The following CSMD1 variants were observed in gnomAD, a reference collection of about 807,000 sequenced individuals.
The protein encoded by CSMD1 is CUB and Sushi multiple domains 1.
CSMD1 carries 213 observed loss-of-function variants against 417.5 expected under a neutral mutation model. The ratio of observed to expected loss-of-function variants is 0.51; its 90% CI spans 0.46 to 0.57. The LOEUF is 0.57. Ranked by LOEUF, CSMD1 falls within the 20% of genes least tolerant of loss-of-function variation. The pLI is 0.00. For missense variants in CSMD1, 6,923 were observed against 4,529.7 expected (o/e 1.53, Z -15.17); for synonymous variants, 2,862 against 1,736.8 (o/e 1.65, Z -16.11).
intron 1 of CSMD1, among the ~76,000 whole-genome samples, chr8:4,881,878 T>G (rs1298211801): frequency 6.6e-6 from 1 of 152,056 alleles, no homozygotes; most frequent in Non-Finnish European, 1.5e-5. Context: ...TTCAACACTT[T>G]TATGAGGCAG....
chr8:4,476,045 T>G (rs1041672523), intron 2 of CSMD1, among the ~76,000 whole-genome samples: 4 of 152,034 alleles, frequency 2.6e-5, no homozygotes, highest in African/African-American at 9.7e-5. Context: ...ATTTAGAAAA[T>G]TTCTGGTTAA....
At chr8:4,181,954 C>G (rs932759184) in intron 3 of CSMD1, among the ~76,000 whole-genome samples, 7 of 23,968 alleles carry the variant, frequency 2.9e-4, no homozygotes, top group Non-Finnish European at 5.6e-4. Context: ...TTGTCTGTGT[C>G]TGCGTGTGTG....
At chr8:4,830,571 T>A (rs1800091744) in intron 1 of CSMD1, among the ~76,000 whole-genome samples, 1 of 152,168 alleles carries the variant, frequency 6.6e-6, no homozygotes, top group Non-Finnish European at 1.5e-5. Context: ...CATAAGCCAT[T>A]ACAAATTAGA....
At chr8:3,320,122 C>T (rs1806057292) in intron 23 of CSMD1, among the ~76,000 whole-genome samples, 1 of 152,194 alleles carries the variant, frequency 6.6e-6, no homozygotes, top group Non-Finnish European at 1.5e-5. Context: ...CACAATTCAT[C>T]AGGCAGGTTT....
intron 6 of CSMD1, among the ~76,000 whole-genome samples, chr8:3,742,836 C>A (rs1196688192): frequency 6.6e-6 from 1 of 152,234 alleles, no homozygotes; most frequent in Non-Finnish European, 1.5e-5. Flanking sequence ...GACCCAACTT[C>A]TTCACTGTGA....
chr8:3,378,926 G>A (rs62503513), intron 18 of CSMD1, among the ~76,000 whole-genome samples: 15,781 of 152,200 alleles, frequency 0.1, 892 homozygotes, highest in Middle Eastern at 0.15. Flanking sequence ...GAAAGAAAAC[G>A]CATTCAAATA....
At chr8:4,542,537 T>C (rs1481806663) in intron 2 of CSMD1, among the ~76,000 whole-genome samples, 1 of 152,172 alleles carries the variant, frequency 6.6e-6, no homozygotes, top group East Asian at 1.9e-4. Context: ...CTGTTGCAAA[T>C]TAGAAGATAA....
intron 26 of CSMD1, among the ~76,000 whole-genome samples, chr8:3,253,978 T>G (rs1585809533): frequency 6.6e-6 from 1 of 152,344 alleles, no homozygotes; most frequent in East Asian, 1.9e-4. Context: ...CTTGATGGTC[T>G]TTACAATTTT....
chr8:2,995,880 G>T (rs909148454), intron 54 of CSMD1, among the ~76,000 whole-genome samples: 1 of 152,156 alleles, frequency 6.6e-6, no homozygotes, highest in Non-Finnish European at 1.5e-5. Context: ...CCAGGTTAAT[G>T]GATACCAGGA....
At chr8:4,339,972 G>T (rs758335699) in intron 3 of CSMD1, among the ~76,000 whole-genome samples, 3 of 152,016 alleles carry the variant, frequency 2.0e-5, no homozygotes, top group Non-Finnish European at 1.5e-5. Context: ...TTCAGTGAGC[G>T]GTGATAGCAA....
intron 1 of CSMD1, among the ~76,000 whole-genome samples, chr8:4,852,229 C>A (rs1801522220): frequency 6.6e-6 from 1 of 152,194 alleles, no homozygotes; most frequent in Non-Finnish European, 1.5e-5. Flanking sequence ...GCCTCCAAAT[C>A]TCAGGTTGAA....
chr8:4,589,791 C>G (rs564028478), intron 2 of CSMD1, among the ~76,000 whole-genome samples: 1 of 152,126 alleles, frequency 6.6e-6, no homozygotes, highest in African/African-American at 2.4e-5. Flanking sequence ...AAATATATAT[C>G]TTTGCCATGT....
chr8:2,978,827 A>G, intron 54 of CSMD1, 27 bp from the exon 55 acceptor site: 1 of 1,550,562 alleles, frequency 6.4e-7, no homozygotes, highest in African/African-American at 1.4e-5. Context: ...TTCACACACC[A>G]TTTAGAAACA....
chr8:3,413,609 T>C (rs1433988704), intron 12 of CSMD1, among the ~76,000 whole-genome samples: 2 of 152,208 alleles, frequency 1.3e-5, no homozygotes, highest in African/African-American at 4.8e-5. Flanking sequence ...CAGCGATGTT[T>C]CATTTGGGGG....
intron 2 of CSMD1, among the ~76,000 whole-genome samples, chr8:4,610,674 A>T (rs1459972037): frequency 6.6e-6 from 1 of 152,202 alleles, no homozygotes; most frequent in Non-Finnish European, 1.5e-5. Flanking sequence ...CCCATGAATT[A>T]GTTTGTTATT....
intron 1 of CSMD1, among the ~76,000 whole-genome samples, chr8:4,795,524 A>T (rs1797931416): frequency 6.6e-6 from 1 of 151,448 alleles, no homozygotes; most frequent in African/African-American, 2.4e-5. Context: ...GGCCTTCCAA[A>T]GTTCTGGTAT....
At chr8:4,887,505 A>G (rs886139194) in intron 1 of CSMD1, among the ~76,000 whole-genome samples, 2 of 152,014 alleles carry the variant, frequency 1.3e-5, no homozygotes, top group African/African-American at 2.4e-5. Context: ...ATGCTATTCA[A>G]TTCTTCTAGT....
intron 7 of CSMD1, among the ~76,000 whole-genome samples, chr8:3,697,691 C>A (rs911382389): frequency 1.4e-4 from 21 of 152,080 alleles, no homozygotes; most frequent in Non-Finnish European, 1.0e-4. Context: ...GAGATTGCCT[C>A]ATCCAATTAC....
chr8:3,935,301 A>C (rs1285583659), intron 5 of CSMD1, among the ~76,000 whole-genome samples: 1 of 152,228 alleles, frequency 6.6e-6, no homozygotes, highest in Non-Finnish European at 1.5e-5. Flanking sequence ...TACACTCCAT[A>C]TCAGCATGAA....
Sources: allele counts gnomAD v4.1 joint callset (sites outside exome capture counted in the v4.1 genomes callset), GRCh38; gene constraint gnomAD v4.1.1; transcripts MANE v1.5; gene names NCBI Gene and HGNC (gene_info 2026-07-23, HGNC 2026-07-21).